Variants in CD58 observed in about 807,000 individuals in gnomAD.
CD58 encodes lymphocyte function-associated antigen 3.
A neutral mutation model predicts 27.6 loss-of-function variants in CD58; 14 were observed. That is an observed-to-expected ratio of 0.51 (90% CI 0.34 to 0.79). The LOEUF is 0.79. Ranked by LOEUF, CD58 falls within the 30% of genes least tolerant of loss-of-function variation. The pLI, the probability that CD58 is intolerant of heterozygous loss-of-function variation, is 0.02. For missense variants in CD58, 268 were observed against 301.7 expected (o/e 0.89, Z 0.83); for synonymous variants, 117 against 103.8 (o/e 1.13, Z -0.77).
chr1:116,537,753 C>T lies in CD58; in HGVS notation c.365-1525G>A, dbSNP rs576807998. Among the ~76,000 whole-genome samples, 12 of 152,234 alleles carry T rather than the reference C, an allele frequency of 7.9e-5. No homozygotes were observed. In the South Asian group the frequency reaches 1.5e-3, roughly 18 times the overall value. ...ATTTGTTAATTCATATGCCTTCTTG[C>T]GTCTCAGCTACCCTCCAGCAATTAA... On this transcript the variant is annotated intron_variant, in intron 2 of 5. Coordinates refer to ENST00000369489, the MANE Select transcript of CD58 (RefSeq NM_001779.3).
chr1:116,547,386 C>T (rs1425736646), intron 1 of CD58, among the ~76,000 whole-genome samples: 18 of 149,024 alleles, frequency 1.2e-4, no homozygotes, highest in South Asian at 6.3e-4. Context: ...AGTGCAGTGG[C>T]GTGATCTCGG....
rs1000515017 is a variant in CD58 at position 116,527,548 on chromosome 1, T to C, written c.629-5565A>G. On this transcript the variant is annotated intron_variant, in intron 3 of 5. Coordinates refer to ENST00000369489, the MANE Select transcript of CD58 (RefSeq NM_001779.3). This position sits in a 1 kb window ranked among gnomAD's most constrained non-coding sequence, Gnocchi z 4.4. ...AATACCACTTAGTCATGATGTATAA[T>C]TCTTTCTATATGCTGTTGGATCCAA... Among the ~76,000 whole-genome samples the C allele has an allele frequency of 2.0e-5, 3 of 152,214 alleles. No individual in the cohort carries two copies. The highest frequency in any genetic ancestry group is 2.1e-4 in the South Asian group (1 of 4,836).
intron 2 of CD58, among the ~76,000 whole-genome samples, chr1:116,537,545 G>A (rs938279620): frequency 2.0e-5 from 3 of 152,190 alleles, no homozygotes; most frequent in Admixed American, 2.0e-4. Flanking sequence ...AGTGCAGGGA[G>A]CAGCATGTGT....
At position 116,567,654 on chromosome 1, in the gene CD58, T is replaced by G. The variant is rs1262126130; in HGVS notation, c.70+3249A>C. Among the ~76,000 whole-genome samples, 7 of 152,030 alleles carry G rather than the reference T, an allele frequency of 4.6e-5. 1 individual carries two copies. The highest frequency in any genetic ancestry group is 4.1e-4 in the South Asian group (2 of 4,824). On this transcript the variant is annotated intron_variant, in intron 1 of 5. Coordinates refer to ENST00000369489, the MANE Select transcript of CD58 (RefSeq NM_001779.3). ...CCCTGTCTCAAAAAATAAAATAAAA[T>G]ATTTTAGTGATAATGGATTCTGGGA...
At chr1:116,544,849 T>G (rs1658111429) in intron 1 of CD58, among the ~76,000 whole-genome samples, 1 of 152,038 alleles carries the variant, frequency 6.6e-6, no homozygotes, top group African/African-American at 2.4e-5. Flanking sequence ...GCTGGGAATA[T>G]GGGGTTGTTC....
intron 1 of CD58, among the ~76,000 whole-genome samples, chr1:116,556,742 G>A (rs879749195): frequency 2.5e-4 from 38 of 152,196 alleles, no homozygotes; most frequent in African/African-American, 2.2e-4. Context: ...GGCAAATGAC[G>A]CATTAGACGA....
At position 116,550,244 on chromosome 1, in the gene CD58, C is replaced by T. The variant is rs1047506281; in HGVS notation, c.71-5640G>A. ...TCACAAAATATTTCTCAGAGGCATCCAATGCTGTTTGATAGAATTTTACTC... is the reference window on the plus strand; with the variant it reads ...TCACAAAATATTTCTCAGAGGCATCTAATGCTGTTTGATAGAATTTTACTC... On this transcript the variant is annotated intron_variant, in intron 1 of 5. Coordinates refer to ENST00000369489, the MANE Select transcript of CD58 (RefSeq NM_001779.3). This position sits in a 1 kb window ranked among gnomAD's most constrained non-coding sequence, Gnocchi z 4.2. Among the ~76,000 whole-genome samples the T allele has an allele frequency of 1.3e-5, 2 of 152,278 alleles. No individual in the cohort carries two copies. Among genetic ancestry groups the T allele is most frequent in the Admixed American group, 1.3e-4 (2 of 15,290 alleles).
chr1:116,547,416 C>T (rs1034279179), intron 1 of CD58, among the ~76,000 whole-genome samples: 24 of 151,686 alleles, frequency 1.6e-4, no homozygotes, highest in Non-Finnish European at 3.2e-4. Flanking sequence ...AGTTCCACCT[C>T]CCAGGCTCAC....
intron 1 of CD58, among the ~76,000 whole-genome samples, chr1:116,548,332 G>C (rs1376687908): frequency 7.0e-6 from 1 of 143,438 alleles, no homozygotes; most frequent in African/African-American, 2.6e-5. Flanking sequence ...CTTTGTTTTT[G>C]TTGCATTTGT....
Position 116,515,355 on chromosome 1 carries a change from C to T in CD58, c.744-533G>A. ...TCCCGGCCTCCTCCCCCGTGGTCTGCGTATTTCCACAGAGCTCAAAATCAG... is the reference window on the plus strand; with the variant it reads ...TCCCGGCCTCCTCCCCCGTGGTCTGTGTATTTCCACAGAGCTCAAAATCAG... On this transcript the variant is annotated intron_variant, in intron 5 of 5. Transcript: ENST00000369489. The surrounding 1 kb of genome is among the most constrained non-coding windows in gnomAD (Gnocchi z 4.6). 6.6e-6 allele frequency among the ~76,000 whole-genome samples: 1 copy of T among 152,288 alleles called. No homozygotes were observed. Among genetic ancestry groups the T allele is most frequent in the Middle Eastern group, 3.4e-3 (1 of 294 alleles).
chr1:116,532,444 C>CAGT lies in CD58; in HGVS notation c.628+3520_628+3521insACT. On this transcript the variant is annotated intron_variant, in intron 3 of 5. Coordinates refer to ENST00000369489, the MANE Select transcript of CD58 (RefSeq NM_001779.3). This position sits in a 1 kb window ranked among gnomAD's most constrained non-coding sequence, Gnocchi z 5.1. ...CGGCCCTTCTGAGATGATTAGCATA[C>CAGT]AGCAGGTGATGCAGGCTGCACACTC... Among the ~76,000 whole-genome samples the CAGT allele has an allele frequency of 6.6e-6, 1 of 152,230 alleles. No individual in the cohort carries two copies.
At chr1:116,554,967 A>G (rs1658517152) in intron 1 of CD58, among the ~76,000 whole-genome samples, 2 of 152,188 alleles carry the variant, frequency 1.3e-5, no homozygotes, top group Non-Finnish European at 2.9e-5. Flanking sequence ...TTTCTAATGA[A>G]CAAAAGAACA....
At chr1:116,556,737 A>C (rs560984439) in intron 1 of CD58, among the ~76,000 whole-genome samples, 179 of 152,358 alleles carry the variant, frequency 1.2e-3, no homozygotes, top group Middle Eastern at 3.4e-3. Context: ...ACTGTGGCAA[A>C]TGACGCATTA....
intron 1 of CD58, among the ~76,000 whole-genome samples, chr1:116,549,456 G>A (rs544933677): frequency 1.9e-4 from 29 of 152,220 alleles, no homozygotes; most frequent in African/African-American, 7.0e-4. Flanking sequence ...AGCATAAGCC[G>A]AGCTGCATAC....
rs904703047 is a variant in CD58, at chr1:116,559,584, C to A, written c.70+11319G>T. Among the ~76,000 whole-genome samples the A allele has an allele frequency of 1.3e-5, 2 of 152,118 alleles. No individual in the cohort carries two copies. The highest frequency in any genetic ancestry group is 4.8e-5 in the African/African-American group (2 of 41,410). On this transcript the variant is annotated intron_variant, in intron 1 of 5. Transcript: ENST00000369489. The surrounding 1 kb of genome is among the most constrained non-coding windows in gnomAD (Gnocchi z 4.4). Reference sequence around the variant, plus strand: ...TTTCAGCCACACCACCACCAGTTTCCCTGCCCTCATCTACTTCATACTGAA... The same window carrying A: ...TTTCAGCCACACCACCACCAGTTTCACTGCCCTCATCTACTTCATACTGAA...
chr1:116,529,925 C>A (rs575688649), intron 3 of CD58, among the ~76,000 whole-genome samples: 1 of 152,182 alleles, frequency 6.6e-6, no homozygotes, highest in East Asian at 1.9e-4. Flanking sequence ...AAAGGTCCTA[C>A]TAGACAAAAT....
rs1190109827 is a variant in CD58 at position 116,514,632 on chromosome 1, G to A, written c.*181C>T. ...AAGCAAGCACCTAGTCATATAATAAGTTGATGACAGCCAAAACTAATGCTT... is the reference window on the plus strand; with the variant it reads ...AAGCAAGCACCTAGTCATATAATAAATTGATGACAGCCAAAACTAATGCTT... On this transcript the variant is annotated 3_prime_UTR_variant, in exon 6 of 6. Transcript: ENST00000369489. The A allele has an allele frequency of 7.5e-6, 4 of 534,632 alleles. No homozygotes were observed. The highest frequency in any genetic ancestry group is 1.4e-5 in the Non-Finnish European group (4 of 295,278). The allele number at this position is 534,632 out of a possible 1,614,324, so 33.1% of individuals were successfully genotyped here. A position where few individuals can be genotyped will look rare whatever the true frequency, so the allele number is the denominator to read the frequency against.
chr1:116,533,830 ACTT>A, intron 3 of CD58: 1 of 794,802 alleles, frequency 1.3e-6, no homozygotes, highest in Non-Finnish European at 2.3e-6. Flanking sequence ...CAAGTCATGA[ACTT>A]CTTCATAGAA....
chr1:116,548,809 C>T (rs987814136), intron 1 of CD58, among the ~76,000 whole-genome samples: 3 of 152,134 alleles, frequency 2.0e-5, no homozygotes, highest in Non-Finnish European at 4.4e-5. Flanking sequence ...TGACAAGACA[C>T]CAAGAAAAAT....
Sources: allele counts gnomAD v4.1 joint callset (sites outside exome capture counted in the v4.1 genomes callset), GRCh38; gene constraint gnomAD v4.1.1; non-coding constraint Gnocchi (gnomAD v3.1); transcripts MANE v1.5; gene names NCBI Gene and HGNC (gene_info 2026-07-23, HGNC 2026-07-21).